The following ABCA13 variants were observed in gnomAD, a reference collection of about 807,000 sequenced individuals.
ABCA13 encodes the protein ATP binding cassette subfamily A member 13, also known as ATP-binding cassette sub-family A member 13.
In ABCA13, 476 loss-of-function variants were observed where a neutral mutation model predicts 478.7. That is an observed-to-expected ratio of 0.99 (90% confidence interval 0.92 to 1.07). ABCA13 has a LOEUF of 1.07. Among genes scored for constraint, ABCA13 ranks in the 50% least tolerant of loss-of-function variants. ABCA13 has a pLI of 0.00. For missense variants in ABCA13, 6,060 were observed against 5,910.6 expected (o/e 1.03, Z -0.83); for synonymous variants, 2,252 against 2,158.9 (o/e 1.04, Z -1.20).
chr7:48,319,112 G>T (rs940882003), intron 27 of ABCA13, among the ~76,000 whole-genome samples: 2 of 152,206 alleles, frequency 1.3e-5, no homozygotes, highest in African/African-American at 4.8e-5. Context: ...GGAAGGATGG[G>T]TTTTCTAAGC....
chr7:48,384,336 T>C (rs1238760857), intron 35 of ABCA13, among the ~76,000 whole-genome samples: 1 of 152,264 alleles, frequency 6.6e-6, no homozygotes, highest in Non-Finnish European at 1.5e-5. Flanking sequence ...TGCTTCTTTC[T>C]TGTTGTAAAA....
chr7:48,205,255 C>T (rs563438373), intron 3 of ABCA13, among the ~76,000 whole-genome samples: 2 of 152,264 alleles, frequency 1.3e-5, no homozygotes, highest in African/African-American at 4.8e-5. Flanking sequence ...TTTCCTTTCA[C>T]CCGCTGGTCT....
At chr7:48,264,790 TA>T (rs1339237482) in intron 15 of ABCA13, among the ~76,000 whole-genome samples, 2 of 151,734 alleles carry the variant, frequency 1.3e-5, no homozygotes, top group African/African-American at 4.8e-5. Context: ...ATATTTTGTT[TA>T]TTTTTTTTGT....
intron 35 of ABCA13, among the ~76,000 whole-genome samples, chr7:48,378,491 G>A (rs1813841500): frequency 6.6e-6 from 1 of 152,130 alleles, no homozygotes; most frequent in African/African-American, 2.4e-5. Flanking sequence ...TGGAACTCAC[G>A]TATATTCGAC....
intron 37 of ABCA13, among the ~76,000 whole-genome samples, chr7:48,390,231 G>C (rs1359752194): frequency 6.6e-6 from 1 of 152,170 alleles, no homozygotes; most frequent in Non-Finnish European, 1.5e-5. Flanking sequence ...GGAGTTTCTA[G>C]ATGATTTAAA....
At chr7:48,536,131 TC>T (rs1833561719) in intron 55 of ABCA13, among the ~76,000 whole-genome samples, 1 of 152,194 alleles carries the variant, frequency 6.6e-6, no homozygotes, top group African/African-American at 2.4e-5. Flanking sequence ...TGCAGGCTAG[TC>T]CTGCCTCCTT....
At chr7:48,454,708 A>G (rs1046724821) in intron 42 of ABCA13, among the ~76,000 whole-genome samples, 2 of 152,120 alleles carry the variant, frequency 1.3e-5, no homozygotes, top group Non-Finnish European at 2.9e-5. Context: ...TTAAGAACAG[A>G]GAGGAAAAGG....
At chr7:48,342,347 C>T (rs892316) in intron 29 of ABCA13, among the ~76,000 whole-genome samples, 4,953 of 152,206 alleles carry the variant, frequency 0.033, 111 homozygotes, top group South Asian at 0.058. Flanking sequence ...GTTTACATTT[C>T]TCGTTATGAC....
chr7:48,455,024 G>A lies in ABCA13; in HGVS notation c.12566-13G>A. On this transcript the variant is annotated splice_polypyrimidine_tract_variant and intron_variant, in intron 42 of 61. Coordinates refer to ENST00000435803, the MANE Select transcript of ABCA13 (RefSeq NM_152701.5). Reference sequence around the variant, plus strand: ...AGCTGACCCAGCCGCCCTTCCTCCCGCCCGTCCTGCAGGTGGCTCCCTAGC... The same window carrying A: ...AGCTGACCCAGCCGCCCTTCCTCCCACCCGTCCTGCAGGTGGCTCCCTAGC... 6.7e-7 allele frequency: 1 copy of A among 1,483,976 alleles called. No homozygotes were observed. The highest frequency in any genetic ancestry group is 8.9e-7 in the Non-Finnish European group (1 of 1,118,142). The allele number at this position is 1,483,976 out of a possible 1,614,324, so 91.9% of individuals were successfully genotyped here.
chr7:48,550,711 C>A (rs950877348), intron 55 of ABCA13, among the ~76,000 whole-genome samples: 4 of 150,668 alleles, frequency 2.7e-5, no homozygotes, highest in Non-Finnish European at 5.9e-5. Flanking sequence ...CTATCTATCT[C>A]ATCTATCTAT....
In ABCA13 at chr7:48,273,831, A is replaced by T. The variant is rs1235743201; in HGVS notation, c.4165A>T (p.Ser1389Cys). Residue 1389 changes from serine to cysteine, a missense_variant, in exon 17 of 62, where the codon AGC becomes TGC. Ser to Cys is a moderately radical substitution (Grantham distance 112, BLOSUM62 -1). Transcript: ENST00000435803. ...CACATTTTCCTCTGAGAACACAATT[A>T]GCAGTCTGAAAGGATGCATTGTATG... ...NSTFSSENTI[S>C]SLKGCIVWLD... The T allele has an allele frequency of 1.9e-6, 3 of 1,611,140 alleles. No individual in the cohort carries two copies. In the South Asian group the frequency reaches 3.3e-5, roughly 18 times the overall value.
At chr7:48,606,851 TG>T (rs1791521139) in intron 58 of ABCA13, among the ~76,000 whole-genome samples, 1 of 152,130 alleles carries the variant, frequency 6.6e-6, no homozygotes, top group Non-Finnish European at 1.5e-5. Context: ...CTCAGGGAGA[TG>T]GGGGTTTTAT....
chr7:48,422,193 GTTTTTTTCT>G (rs1347551775), intron 41 of ABCA13, among the ~76,000 whole-genome samples: 8 of 150,172 alleles, frequency 5.3e-5, no homozygotes, highest in South Asian at 4.2e-4. Context: ...GTTTGTTGTT[GTTTTTTTCT>G]TTTTTTTCTT....
chr7:48,221,947 C>A (rs1787417097), intron 5 of ABCA13, among the ~76,000 whole-genome samples: 1 of 152,204 alleles, frequency 6.6e-6, no homozygotes, highest in African/African-American at 2.4e-5. Flanking sequence ...GCTCATATTG[C>A]AGCACCAGAC....
intron 58 of ABCA13, among the ~76,000 whole-genome samples, chr7:48,602,301 GCCTATGT>G (rs1456869224): frequency 1.3e-5 from 2 of 152,112 alleles, no homozygotes; most frequent in Non-Finnish European, 2.9e-5. Context: ...CTTTGCCCAT[GCCTATGT>G]CGTGAATGGT....
intron 56 of ABCA13, among the ~76,000 whole-genome samples, chr7:48,580,618 TA>T (rs1185639086): frequency 6.6e-6 from 1 of 152,252 alleles, no homozygotes; most frequent in Non-Finnish European, 1.5e-5. Context: ...AGTTAAAGCA[TA>T]AATACATCAT....
chr7:48,334,529 G>A (rs1805926298), intron 27 of ABCA13, among the ~76,000 whole-genome samples: 1 of 152,140 alleles, frequency 6.6e-6, no homozygotes, highest in Non-Finnish European at 1.5e-5. Flanking sequence ...TAGAGATGGG[G>A]TTTCATTGTG....
At chr7:48,435,889 T>G (rs1822761711) in intron 42 of ABCA13, among the ~76,000 whole-genome samples, 1 of 149,760 alleles carries the variant, frequency 6.7e-6, no homozygotes, top group African/African-American at 2.5e-5. Context: ...GTGTAATCAT[T>G]TTAATATACT....
At position 48,489,242 on chromosome 7, in the gene ABCA13, T is replaced by A. The variant is rs1197851100; in HGVS notation, c.13189T>A (p.Tyr4397Asn). Residue 4397 changes from tyrosine to asparagine, a missense_variant, in exon 48 of 62, where the codon TAT (tyrosine) becomes AAT (asparagine). By Grantham distance (143) the Tyr-to-Asn change is moderately radical. Transcript: ENST00000435803. ...SKPPTLAKVW[Y>N]NQKGFHSLPS... ...ATTATCTTTCTTTTTTTAGGTGTGG[T>A]ATAATCAGAAGGGTTTTCATTCCCT... 6.2e-7 allele frequency: 1 copy of A among 1,608,526 alleles called. No homozygotes were observed. Among genetic ancestry groups the A allele is most frequent in the African/African-American group, 1.3e-5 (1 of 74,812 alleles).
Sources: gnomAD v4.1 joint callset for allele counts (sites outside exome capture counted in the v4.1 genomes callset) on GRCh38, gnomAD v4.1.1 for gene constraint, MANE v1.5 for transcripts, NCBI Gene and HGNC (gene_info 2026-07-23, HGNC 2026-07-21) for gene names.